TTLL11: variants seen among roughly 807,000 people sequenced by gnomAD.
TTLL11 encodes the protein tubulin polyglutamylase TTLL11.
TTLL11 carries 42 observed loss-of-function variants against 51.7 expected under a neutral mutation model. The ratio of observed to expected loss-of-function variants is 0.81; its 90% CI spans 0.64 to 1.05. TTLL11 has a LOEUF of 1.05. Ranked by LOEUF, TTLL11 falls within the 50% of genes least tolerant of loss-of-function variation. The pLI is 0.00. For missense variants in TTLL11, 799 were observed against 940.4 expected, an observed-to-expected ratio of 0.85 and a Z score of 1.97; for synonymous variants, 381 against 383.5, an observed-to-expected ratio of 0.99 and a Z score of 0.08.
chr9:121,968,969 A>T (rs771438594), intron 6 of TTLL11, among the ~76,000 whole-genome samples: 21 of 152,014 alleles, frequency 1.4e-4, no homozygotes, highest in Non-Finnish European at 2.9e-5. Context: ...TCCCAGGTTC[A>T]AGCGATTCTC....
In TTLL11 at chr9:121,989,394, G is replaced by T. The variant is rs1013559517; in HGVS notation, c.1070C>A (p.Ser357Ter). The change falls in exon 4 of 9, where the codon TCG becomes TAG. Residue 357 changes from serine to a stop codon, truncating the protein, a stop_gained. Coordinates refer to ENST00000321582, the MANE Select transcript of TTLL11 (RefSeq NM_001139442.2). LOFTEE classifies it high-confidence loss of function. This position sits in a 1 kb window ranked among gnomAD's most constrained non-coding sequence, Gnocchi z 4.2. ...TTTGCTGCCAGTGCTAGCACTGTCCGAGTGGATGAAGTTGCCGCTGTGGAT... is the reference window on the plus strand; with the variant it reads ...TTTGCTGCCAGTGCTAGCACTGTCCTAGTGGATGAAGTTGCCGCTGTGGAT... ...LNIHSGNFIHSDSASTGSKRT... is the reference protein window; with the variant it reads ...LNIHSGNFIH The T allele has an allele frequency of 6.2e-7, 1 of 1,614,176 alleles. No homozygotes were observed. Among genetic ancestry groups the T allele is most frequent in the Non-Finnish European group, 8.5e-7 (1 of 1,180,042 alleles).
chr9:121,969,202 T>A (rs1261604388), intron 6 of TTLL11, among the ~76,000 whole-genome samples: 1 of 152,140 alleles, frequency 6.6e-6, no homozygotes. Context: ...ATTATCCCCA[T>A]TTTATAGAAA....
At chr9:122,034,320 C>T (rs960221994) in intron 2 of TTLL11, among the ~76,000 whole-genome samples, 2 of 152,196 alleles carry the variant, frequency 1.3e-5, no homozygotes, top group Admixed American at 6.5e-5. Flanking sequence ...CATTTAATAT[C>T]GGCAATGGCT....
In TTLL11 at chr9:121,904,476, A is replaced by G. The variant is rs944588792; in HGVS notation, c.1482-33728T>C. Reference sequence around the variant, plus strand: ...AGGCGTGAGCCACCACGCCCAGCCCAATACATTCCTACATGTTTAATGTGT... The same window carrying G: ...AGGCGTGAGCCACCACGCCCAGCCCGATACATTCCTACATGTTTAATGTGT... On this transcript the variant is annotated intron_variant, in intron 6 of 8. Transcript: ENST00000321582. Among the ~76,000 whole-genome samples, 5 of 152,216 alleles carry G rather than the reference A, an allele frequency of 3.3e-5. No individual in the cohort carries two copies. The East Asian group carries it at 9.6e-4, about 29-fold the overall frequency.
intron 8 of TTLL11, among the ~76,000 whole-genome samples, chr9:121,837,128 T>C (rs1187250543): frequency 6.6e-6 from 1 of 152,180 alleles, no homozygotes; most frequent in Non-Finnish European, 1.5e-5. Context: ...TGTATAGAAT[T>C]CCATAGTATA....
Position 121,879,755 on chromosome 9 carries a change from C to A in TTLL11, c.1482-9007G>T, listed in dbSNP as rs931934350. Among the ~76,000 whole-genome samples, 27 of 70,016 alleles carry A rather than the reference C, an allele frequency of 3.9e-4. 8 individuals are homozygous for A. The highest frequency in any genetic ancestry group is 1.7e-3 in the Admixed American group (15 of 8,958). The allele number at this position is 70,016 out of a possible 152,430, so 45.9% of individuals were successfully genotyped here. On this transcript the variant is annotated intron_variant, in intron 6 of 8. Coordinates refer to ENST00000321582, the MANE Select transcript of TTLL11 (RefSeq NM_001139442.2). ...GCTGAGGTGGGAGAACTGCTTGAAG[C>A]CCTGAATCTAGACCAGGCTGGGCAA...
At chr9:121,959,751 A>T (rs1842152963) in intron 6 of TTLL11, among the ~76,000 whole-genome samples, 1 of 152,112 alleles carries the variant, frequency 6.6e-6, no homozygotes, top group Non-Finnish European at 1.5e-5. Flanking sequence ...TCATCGTGTC[A>T]GCCTGCTTTG....
intron 4 of TTLL11, 35 bp from the exon 5 acceptor site, chr9:121,975,014 T>C: frequency 7.0e-7 from 1 of 1,438,188 alleles, no homozygotes; most frequent in South Asian, 1.3e-5. Context: ...AATTACTGTC[T>C]CTATTGAGTA....
intron 1 of TTLL11, among the ~76,000 whole-genome samples, chr9:122,067,574 T>G (rs1032912621): frequency 6.6e-6 from 1 of 152,134 alleles, no homozygotes; most frequent in African/African-American, 2.4e-5. Context: ...CAGGCTGGAG[T>G]GCAATGGCGC....
intron 7 of TTLL11, among the ~76,000 whole-genome samples, chr9:121,868,564 CTT>C (rs1838249296): frequency 6.6e-6 from 1 of 152,104 alleles, no homozygotes; most frequent in Non-Finnish European, 1.5e-5. Flanking sequence ...GAGCAGCCCT[CTT>C]GTGACCATAA....
intron 6 of TTLL11, among the ~76,000 whole-genome samples, chr9:121,878,845 A>G (rs1838666920): frequency 6.6e-6 from 1 of 152,136 alleles, no homozygotes; most frequent in African/African-American, 2.4e-5. Flanking sequence ...AGGCAATGAA[A>G]CATTTTGTAC....
chr9:121,950,648 A>C (rs1305928051), intron 6 of TTLL11, among the ~76,000 whole-genome samples: 1 of 152,106 alleles, frequency 6.6e-6, no homozygotes, highest in African/African-American at 2.4e-5. Flanking sequence ...AACCGTATCG[A>C]AAAATGTGGT....
At chr9:121,834,375 G>A (rs1383305492) in intron 8 of TTLL11, among the ~76,000 whole-genome samples, 1 of 152,164 alleles carries the variant, frequency 6.6e-6, no homozygotes, top group East Asian at 1.9e-4. Flanking sequence ...CAGATGAGCT[G>A]GTCCGGGTCC....
At chr9:121,869,499 C>T (rs1838279309) in intron 7 of TTLL11, among the ~76,000 whole-genome samples, 1 of 152,156 alleles carries the variant, frequency 6.6e-6, no homozygotes, top group African/African-American at 2.4e-5. Context: ...TCACTGTTGT[C>T]GCCCATTCAT....
chr9:121,958,604 T>C (rs779746471), intron 6 of TTLL11, among the ~76,000 whole-genome samples: 63 of 152,272 alleles, frequency 4.1e-4, no homozygotes, highest in Non-Finnish European at 8.2e-4. Flanking sequence ...CTTCAGCTAG[T>C]AGATTTGGAC....
At chr9:121,892,126 C>T (rs11792151) in intron 6 of TTLL11, among the ~76,000 whole-genome samples, 71,849 of 146,320 alleles carry the variant, frequency 0.49, 17,750 homozygotes, top group South Asian at 0.59. Flanking sequence ...AAGTCTCCTT[C>T]TACCTTTATA....
intron 6 of TTLL11, among the ~76,000 whole-genome samples, chr9:121,875,617 T>C (rs1415707773): frequency 6.6e-6 from 1 of 152,214 alleles, no homozygotes; most frequent in East Asian, 1.9e-4. Flanking sequence ...TAAGAGGAAA[T>C]GAAACAATGA....
rs540276488 is a variant in TTLL11, at chr9:121,938,929, A to T, written c.1481+35080T>A. Among the ~76,000 whole-genome samples the T allele has an allele frequency of 2.0e-5, 3 of 152,326 alleles. No homozygotes were observed. In the East Asian group the frequency reaches 5.8e-4, roughly 29 times the overall value. ...AACAGCTATTTATTGAGTATTTACAAGGCACTGTTCTAGGTGCAAGGGATA... is the reference window on the plus strand; with the variant it reads ...AACAGCTATTTATTGAGTATTTACATGGCACTGTTCTAGGTGCAAGGGATA... On this transcript the variant is annotated intron_variant, in intron 6 of 8. Transcript: ENST00000321582.
intron 8 of TTLL11, among the ~76,000 whole-genome samples, chr9:121,841,086 A>C (rs953694472): frequency 4.6e-5 from 7 of 152,094 alleles, no homozygotes; most frequent in Non-Finnish European, 1.0e-4. Flanking sequence ...GAAGCTTCAC[A>C]GACAACCGTC....
Sources: gnomAD v4.1 joint callset for allele counts (sites outside exome capture counted in the v4.1 genomes callset) on GRCh38, gnomAD v4.1.1 for gene constraint, Gnocchi (gnomAD v3.1) non-coding constraint, MANE v1.5 for transcripts, NCBI Gene and HGNC (gene_info 2026-07-23, HGNC 2026-07-21) for gene names.